The following NAV1 variants were observed in gnomAD, a reference collection of about 807,000 sequenced individuals.
The protein encoded by NAV1 is neuron navigator 1, also known as pore membrane and/or filament interacting like protein 3.
In NAV1, 18 loss-of-function variants were observed where a neutral mutation model predicts 175.2. That is an observed-to-expected ratio of 0.10 (90% CI 0.07 to 0.15). The LOEUF (loss-of-function observed/expected upper bound fraction) is 0.15, where lower values mean the gene tolerates loss of function less well. Among genes scored for constraint, NAV1 ranks in the 10% least tolerant of loss-of-function variants. The pLI is 1.00. For missense variants in NAV1, 1,731 were observed against 2,436.6 expected (o/e 0.71, Z 6.10); for synonymous variants, 897 against 978.7 (o/e 0.92, Z 1.56).
intron 2 of NAV1, among the ~76,000 whole-genome samples, chr1:201,590,148 C>T (rs1667145720): frequency 6.6e-6 from 1 of 152,218 alleles, no homozygotes; most frequent in Non-Finnish European, 1.5e-5. Flanking sequence ...CTGCCTCGGC[C>T]TCCCAAAGTA....
intron 1 of NAV1, among the ~76,000 whole-genome samples, chr1:201,671,685 C>A (rs928531408): frequency 2.0e-5 from 3 of 152,178 alleles, no homozygotes; most frequent in Non-Finnish European, 4.4e-5. Flanking sequence ...GAGATGCAGA[C>A]CCTGGGCACG....
chr1:201,596,560 T>C (rs1667352462), intron 2 of NAV1, among the ~76,000 whole-genome samples: 1 of 152,242 alleles, frequency 6.6e-6, no homozygotes, highest in Non-Finnish European at 1.5e-5. Context: ...GGGCAGACAC[T>C]GTCACTCTCT....
At position 201,788,100 on chromosome 1, in the gene NAV1, G is replaced by A. The variant is rs140660275; in HGVS notation, c.2996-368G>A. On this transcript the variant is annotated intron_variant, in intron 9 of 29. Coordinates refer to ENST00000367296, the Ensembl canonical transcript of NAV1. This position sits in a 1 kb window ranked among gnomAD's most constrained non-coding sequence, Gnocchi z 5.7. ...CCTGAGCTGGCAGTTGTGTTTTAGAGAACCACAGCATCTCATTTTCATCAG... is the reference window on the plus strand; with the variant it reads ...CCTGAGCTGGCAGTTGTGTTTTAGAAAACCACAGCATCTCATTTTCATCAG... Among the ~76,000 whole-genome samples the A allele has an allele frequency of 1.3e-4, 20 of 152,274 alleles. No individual in the cohort carries two copies. The highest frequency in any genetic ancestry group is 4.6e-4 in the African/African-American group (19 of 41,552).
intron 3 of NAV1, chr1:201,719,458 T>G (rs910511789): frequency 6.5e-6 from 1 of 154,086 alleles, no homozygotes; most frequent in African/African-American, 2.4e-5. Flanking sequence ...CTTCTTATAT[T>G]TTTCTGCCTT....
upstream of NAV1, among the ~76,000 whole-genome samples, chr1:201,621,370 G>A (rs1006040636): frequency 4.1e-5 from 3 of 73,826 alleles, no homozygotes; most frequent in Admixed American, 3.8e-4. Flanking sequence ...TTTTGCTCTT[G>A]TCACCCAGGC....
chr1:201,734,446 AGAAGAG>A lies in NAV1; in HGVS notation c.1226+15694_1226+15699del, dbSNP rs1232072631. 4.0e-5 allele frequency among the ~76,000 whole-genome samples: 5 copies of A among 126,018 alleles called. 1 individual carries two copies. Among genetic ancestry groups the A allele is most frequent in the South Asian group, 2.4e-4 (1 of 4,180 alleles). 82.7% of individuals were successfully genotyped at this position (126,018 alleles called of 152,430 possible). On this transcript the variant is annotated intron_variant, in intron 3 of 29. Coordinates refer to ENST00000367296, the Ensembl canonical transcript of NAV1. Reference sequence around the variant, plus strand: ...AAGAAGAAGAAGAGGAAGAAGAAGAAGAAGAGGAGGAGGAGGAGGAGGAAGAGGAGG... The same window carrying A: ...AAGAAGAAGAAGAGGAAGAAGAAGAAGAGGAGGAGGAGGAGGAAGAGGAGG...
chr1:201,716,354 G>A (rs150258140), intron 2 of NAV1, among the ~76,000 whole-genome samples: 259 of 152,302 alleles, frequency 1.7e-3, no homozygotes, highest in African/African-American at 6.0e-3. Context: ...TCGTGGGTTT[G>A]CTCCTCTTTG....
At chr1:201,789,886 G>A (rs1054810688) in intron 11 of NAV1, 94 bp downstream of exon 15, 7 of 1,207,690 alleles carry the variant, frequency 5.8e-6, no homozygotes, top group Non-Finnish European at 8.6e-6. Context: ...CTGGGCGGGG[G>A]ATGGGGGCAC....
chr1:201,572,158 G>A (rs564063922), intron 1 of NAV1, among the ~76,000 whole-genome samples: 4 of 152,216 alleles, frequency 2.6e-5, no homozygotes, highest in South Asian at 2.1e-4. Flanking sequence ...ATGGGATAGC[G>A]AGGAAACTGG....
At position 201,756,231 on chromosome 1, in the gene NAV1, A is replaced by G. The variant is rs570736116; in HGVS notation, c.1227-24190A>G. ...CCAAGTAACAGACTGAAAATTGGGGAAAAAAATAAACAAATATGGGCATAA... is the reference window on the plus strand; with the variant it reads ...CCAAGTAACAGACTGAAAATTGGGGGAAAAAATAAACAAATATGGGCATAA... On this transcript the variant is annotated intron_variant, in intron 3 of 29. Coordinates refer to ENST00000367296, the Ensembl canonical transcript of NAV1. Among the ~76,000 whole-genome samples, 7 of 152,228 alleles carry G rather than the reference A, an allele frequency of 4.6e-5. No homozygotes were observed. In the East Asian group the frequency reaches 7.7e-4, roughly 17 times the overall value.
At chr1:201,541,441 T>G (rs1665510211) in intron 1 of NAV1, among the ~76,000 whole-genome samples, 1 of 152,202 alleles carries the variant, frequency 6.6e-6, no homozygotes, top group South Asian at 2.1e-4. Context: ...CTTTGAATAT[T>G]TGGGCTTTTT....
At chr1:201,638,074 A>C (rs1668657719) in intron 2 of NAV1, among the ~76,000 whole-genome samples, 1 of 152,132 alleles carries the variant, frequency 6.6e-6, no homozygotes, top group African/African-American at 2.4e-5. Flanking sequence ...TCCCTACTAG[A>C]AGCCCCTGAG....
chr1:201,706,407 G>A (rs1671672478), intron 1 of NAV1, among the ~76,000 whole-genome samples: 2 of 152,036 alleles, frequency 1.3e-5, no homozygotes, highest in Admixed American at 6.5e-5. Flanking sequence ...ACCTCTTCTG[G>A]TGATACATCT....
chr1:201,705,513 A>G (rs1671631689), intron 1 of NAV1, among the ~76,000 whole-genome samples: 2 of 152,150 alleles, frequency 1.3e-5, no homozygotes, highest in Non-Finnish European at 1.5e-5. Flanking sequence ...TGGGGTAAGG[A>G]TGAAAACCCT....
At chr1:201,651,704 C>T (rs1669211337) in intron 1 of NAV1, among the ~76,000 whole-genome samples, 1 of 152,098 alleles carries the variant, frequency 6.6e-6, no homozygotes, top group Non-Finnish European at 1.5e-5. Flanking sequence ...AGTCAGCAGG[C>T]AGAGGGACCT....
At chr1:201,648,418 T>A in exon 1 of NAV1, 1 of 1,168,878 alleles carries the variant, frequency 8.6e-7, no homozygotes. Context: ...CCCCGCCCTA[T>A]CGCTCCCCGG....
Position 201,780,574 on chromosome 1 carries a change from A to G in NAV1, c.1365+15A>G, listed in dbSNP as rs772830519. On this transcript the variant is annotated intron_variant, in intron 4 of 29. Coordinates refer to ENST00000367296, the Ensembl canonical transcript of NAV1. ...CAACAATAGTGGTACGTGAGTTTGCAAACACCCAAGCTGCCATCTCAAGAT... is the reference window on the plus strand; with the variant it reads ...CAACAATAGTGGTACGTGAGTTTGCGAACACCCAAGCTGCCATCTCAAGAT... The G allele has an allele frequency of 1.2e-6, 2 of 1,614,048 alleles. No homozygotes were observed. The highest frequency in any genetic ancestry group is 1.1e-5 in the South Asian group (1 of 91,082).
intron 1 of NAV1, among the ~76,000 whole-genome samples, chr1:201,542,539 C>G (rs1665543618): frequency 6.6e-6 from 1 of 152,132 alleles, no homozygotes; most frequent in South Asian, 2.1e-4. Flanking sequence ...CCTTAACCTC[C>G]TGGGAAGGCT....
At chr1:201,706,254 G>GGTGTGTGT (rs71138350) in intron 1 of NAV1, among the ~76,000 whole-genome samples, 57 of 148,782 alleles carry the variant, frequency 3.8e-4, no homozygotes, top group African/African-American at 1.1e-3. Context: ...ATTAAGAAGG[G>GGTGTGTGT]GTGTGTGTGT....
Sources: allele counts gnomAD v4.1 joint callset (sites outside exome capture counted in the v4.1 genomes callset), GRCh38; gene constraint gnomAD v4.1.1; non-coding constraint Gnocchi (gnomAD v3.1); transcripts MANE v1.5; gene names NCBI Gene and HGNC (gene_info 2026-07-23, HGNC 2026-07-21).